MINDY2: variants seen among roughly 807,000 people sequenced by gnomAD.
MINDY2 encodes MINDY lysine 48 deubiquitinase 2.
In MINDY2, 52 loss-of-function variants were observed where a neutral mutation model predicts 68.2. The ratio of observed to expected loss-of-function variants is 0.76; its 90% CI spans 0.61 to 0.96. The LOEUF (loss-of-function observed/expected upper bound fraction) is 0.96. MINDY2 is among the 40% of genes least tolerant of loss of function. MINDY2 has a pLI of 0.00. For missense variants in MINDY2, 881 were observed against 773.4 expected, an observed-to-expected ratio of 1.14 and a Z score of -1.65; for synonymous variants, 372 against 303.0, an observed-to-expected ratio of 1.23 and a Z score of -2.36.
chr15:58,777,188 G>A (rs533017757), intron 1 of MINDY2, among the ~76,000 whole-genome samples: 36 of 152,250 alleles, frequency 2.4e-4, no homozygotes, highest in Non-Finnish European at 3.7e-4. Flanking sequence ...GCTTATGTCC[G>A]GAAATAGGAG....
At chr15:58,799,360 G>T (rs1902489164) in intron 2 of MINDY2, among the ~76,000 whole-genome samples, 1 of 152,196 alleles carries the variant, frequency 6.6e-6, no homozygotes, top group African/African-American at 2.4e-5. Context: ...GAGGTCGGGA[G>T]ATCGAGACCA....
intron 2 of MINDY2, chr15:58,795,966 G>A: frequency 2.6e-6 from 1 of 380,670 alleles, no homozygotes; most frequent in South Asian, 2.0e-5. Context: ...TTAGAAGAAA[G>A]GAGAAAGGGT....
intron 1 of MINDY2, among the ~76,000 whole-genome samples, chr15:58,777,529 T>A (rs1159359637): frequency 6.6e-6 from 1 of 152,142 alleles, no homozygotes; most frequent in African/African-American, 2.4e-5. Flanking sequence ...ATCCTAGCAC[T>A]TTGGGAGGCC....
At chr15:58,844,999 G>C (rs900015663) in intron 6 of MINDY2, among the ~76,000 whole-genome samples, 1 of 151,102 alleles carries the variant, frequency 6.6e-6, no homozygotes, top group African/African-American at 2.4e-5. Flanking sequence ...TATGTGACAA[G>C]GGATTAATAA....
rs147805353 is a variant in MINDY2, at chr15:58,806,095, A to G, written c.963+3718A>G. 2.4e-3 allele frequency among the ~76,000 whole-genome samples: 364 copies of G among 152,312 alleles called. 3 individuals are homozygous for G. The highest frequency in any genetic ancestry group is 8.2e-3 in the African/African-American group (339 of 41,582). ...TCTCAAAAAAACAACAAAAGAAAAGACAAAGTCTCCCTCTGTTGTACAGGC... is the reference window on the plus strand; with the variant it reads ...TCTCAAAAAAACAACAAAAGAAAAGGCAAAGTCTCCCTCTGTTGTACAGGC... On this transcript the variant is annotated intron_variant, in intron 3 of 8. Transcript: ENST00000559228.
chr15:58,846,769 A>G (rs1392684076), intron 6 of MINDY2, among the ~76,000 whole-genome samples: 1 of 152,182 alleles, frequency 6.6e-6, no homozygotes, highest in South Asian at 2.1e-4. Flanking sequence ...GTACAAAACA[A>G]TTGTGTTGTA....
chr15:58,808,583 A>T (rs749509963), intron 3 of MINDY2, among the ~76,000 whole-genome samples: 3 of 152,086 alleles, frequency 2.0e-5, no homozygotes, highest in Non-Finnish European at 4.4e-5. Flanking sequence ...ACCACATATT[A>T]TAAAATATAT....
intron 6 of MINDY2, among the ~76,000 whole-genome samples, chr15:58,840,411 A>G (rs548021722): frequency 2.6e-5 from 4 of 152,248 alleles, no homozygotes; most frequent in African/African-American, 9.6e-5. Context: ...TTAGCAAACT[A>G]AAATCCATCT....
intron 7 of MINDY2, among the ~76,000 whole-genome samples, chr15:58,851,261 A>G (rs2140868947): frequency 6.6e-6 from 1 of 152,356 alleles, no homozygotes; most frequent in African/African-American, 2.4e-5. Context: ...GGCGTGAGCC[A>G]CCGCACCTGG....
intron 6 of MINDY2, among the ~76,000 whole-genome samples, chr15:58,844,919 TA>T (rs35379834): frequency 0.64 from 43,585 of 67,990 alleles, 11,671 homozygotes; most frequent in South Asian, 0.78. Context: ...AGACCCTGCC[TA>T]AAAAAAAAAA....
chr15:58,820,471 T>C (rs1459189692), intron 4 of MINDY2, among the ~76,000 whole-genome samples: 2 of 151,922 alleles, frequency 1.3e-5, no homozygotes, highest in East Asian at 3.9e-4. Flanking sequence ...GTTTAAGATA[T>C]TTATGCCTGT....
chr15:58,828,093 G>A (rs1279923710), intron 5 of MINDY2, among the ~76,000 whole-genome samples: 2 of 151,444 alleles, frequency 1.3e-5, no homozygotes, highest in African/African-American at 4.9e-5. Context: ...AATTAGCTGG[G>A]TGTGCAGTGA....
At position 58,777,511 on chromosome 15, in the gene MINDY2, C is replaced by G. The variant is rs1410099976; in HGVS notation, c.840+5276C>G. On this transcript the variant is annotated intron_variant, in intron 1 of 8. Transcript: ENST00000559228. ...GTAGTTGGCTAGGCAGTGTGGCTAA[C>G]GCCTGGAATCCTAGCACTTTGGGAG... Among the ~76,000 whole-genome samples the G allele has an allele frequency of 3.9e-5, 6 of 152,026 alleles. No homozygotes were observed. The East Asian group carries it at 1.2e-3, about 29-fold the overall frequency.
chr15:58,781,856 C>T (rs185015322), intron 1 of MINDY2, among the ~76,000 whole-genome samples: 2 of 151,760 alleles, frequency 1.3e-5, no homozygotes, highest in African/African-American at 2.4e-5. Flanking sequence ...GAGCCAAGAT[C>T]GTGCCACTGC....
At position 58,804,107 on chromosome 15, in the gene MINDY2, C is replaced by T. The variant is rs556031761; in HGVS notation, c.963+1730C>T. 2.4e-4 allele frequency among the ~76,000 whole-genome samples: 36 copies of T among 147,544 alleles called. No homozygotes were observed. The South Asian group carries it at 7.6e-3, about 31-fold the overall frequency. ...TCGCGCCACTGCACTCCAGCCGGGG[C>T]GACAAAAAAAAAAGGAGGAGGAGGA... On this transcript the variant is annotated intron_variant, in intron 3 of 8. Coordinates refer to ENST00000559228, the MANE Select transcript of MINDY2 (RefSeq NM_001040450.3).
At chr15:58,853,796 A>T (rs1289120358) in intron 8 of MINDY2, among the ~76,000 whole-genome samples, 4 of 143,362 alleles carry the variant, frequency 2.8e-5, no homozygotes, top group Non-Finnish European at 6.0e-5. Flanking sequence ...ACTCCAGCCT[A>T]ACAGAGTGAG....
intron 4 of MINDY2, among the ~76,000 whole-genome samples, chr15:58,812,741 C>T (rs2030379774): frequency 1.3e-5 from 2 of 152,122 alleles, no homozygotes; most frequent in African/African-American, 4.8e-5. Flanking sequence ...GCCTGTAGTC[C>T]CAGCTATTCA....
chr15:58,836,715 T>C (rs2032012315), intron 6 of MINDY2, among the ~76,000 whole-genome samples: 3 of 151,966 alleles, frequency 2.0e-5, no homozygotes, highest in Non-Finnish European at 4.4e-5. Context: ...GCCTCCTGGG[T>C]TCAAGCGATC....
At chr15:58,852,949 TTTTTTTTTTTTTTTTTTTTTTAAG>T in intron 8 of MINDY2, among the ~76,000 whole-genome samples, 1 of 45,992 alleles carries the variant, frequency 2.2e-5, no homozygotes, top group Non-Finnish European at 5.4e-5. Flanking sequence ...TTTTTTTTTT[TTTTTTTTTTTTTTTTTTTTTTAAG>T]ACAGAGTCTC....
Sources: allele counts gnomAD v4.1 joint callset (sites outside exome capture counted in the v4.1 genomes callset), GRCh38; gene constraint gnomAD v4.1.1; transcripts MANE v1.5; gene names NCBI Gene and HGNC (gene_info 2026-07-23, HGNC 2026-07-21).